MKRN2: variants seen among roughly 807,000 people sequenced by gnomAD.
The protein encoded by MKRN2 is E3 ubiquitin-protein ligase makorin-2.
In MKRN2, 32 loss-of-function variants were observed where a neutral mutation model predicts 45.4. The ratio of observed to expected loss-of-function variants is 0.70; its 90% CI spans 0.53 to 0.95. The LOEUF (loss-of-function observed/expected upper bound fraction) is 0.95. Ranked by LOEUF, MKRN2 falls within the 40% of genes least tolerant of loss-of-function variation. MKRN2 has a pLI of 0.00. For missense variants in MKRN2, 526 were observed against 536.7 expected, an observed-to-expected ratio of 0.98 and a Z score of 0.20; for synonymous variants, 206 against 192.4, an observed-to-expected ratio of 1.07 and a Z score of -0.59.
chr3:12,572,010 C>T (rs1486198904), intron 3 of MKRN2, 59 bp from the exon 4 acceptor site: 5 of 1,490,502 alleles, frequency 3.4e-6, no homozygotes, highest in African/African-American at 2.8e-5. Context: ...CTTTGGCTAA[C>T]GGCATACCAG....
Position 12,582,351 on chromosome 3 carries a change from TGACTTG to T in MKRN2, c.*101_*106del, listed in dbSNP as rs2058189218. On this transcript the variant is annotated 3_prime_UTR_variant, in exon 8 of 8. Transcript: ENST00000170447. ...CCTGTACTGCAGCCAAGGTGACGTGTGACTTGGATTTGAGTGGAGTTGGGCTTAGCC... is the reference window on the plus strand; with the variant it reads ...CCTGTACTGCAGCCAAGGTGACGTGTGATTTGAGTGGAGTTGGGCTTAGCC... 6.7e-7 allele frequency: 1 copy of T among 1,491,414 alleles called. No homozygotes were observed. The highest frequency in any genetic ancestry group is 1.8e-5 in the Admixed American group (1 of 54,560). The allele number at this position is 1,491,414 out of a possible 1,614,324, so 92.4% of individuals were successfully genotyped here. A position where few individuals can be genotyped will look rare whatever the true frequency, so the allele number is the denominator to read the frequency against.
chr3:12,582,284 C>T lies in MKRN2; in HGVS notation c.*31C>T, dbSNP rs2058188300. 1 of 1,609,684 alleles carries T rather than the reference C, an allele frequency of 6.2e-7. No individual in the cohort carries two copies. The highest frequency in any genetic ancestry group is 8.5e-7 in the Non-Finnish European group (1 of 1,176,418). ...AGATGGTTGCCCTGCATCTTGGGCT[C>T]CATCGGCCGAAACTTTCCCAAGCCA... On this transcript the variant is annotated 3_prime_UTR_variant, in exon 8 of 8. Transcript: ENST00000170447.
At chr3:12,565,243 A>G (rs1323591475) in intron 1 of MKRN2, among the ~76,000 whole-genome samples, 1 of 152,198 alleles carries the variant, frequency 6.6e-6, no homozygotes, top group Admixed American at 6.5e-5. Context: ...TGGCACTTAT[A>G]AAGACAGTAG....
intron 5 of MKRN2, among the ~76,000 whole-genome samples, chr3:12,575,666 A>G (rs2125306268): frequency 6.6e-6 from 1 of 152,296 alleles, no homozygotes; most frequent in South Asian, 2.1e-4. Flanking sequence ...GTGTGGTGAA[A>G]CAACTGCTCT....
chr3:12,568,872 CA>C lies in MKRN2; in HGVS notation c.27-2del. On this transcript the variant is annotated splice_acceptor_variant, in intron 1 of 7. Transcript: ENST00000170447. LOFTEE classifies it high-confidence loss of function. ...AGTTGTATGCCTGTGCTTGTCTCTG[CA>C]GGTATTTTATGCATGGTGTGTGTCG... The C allele has an allele frequency of 5.0e-6, 8 of 1,611,630 alleles. No homozygotes were observed. The highest frequency in any genetic ancestry group is 6.8e-6 in the Non-Finnish European group (8 of 1,179,218).
In MKRN2 at chr3:12,583,225, A is replaced by AGTCTT. The variant is rs1488536639; in HGVS notation, c.*975_*979dup. 1.3e-5 allele frequency: 2 copies of AGTCTT among 152,256 alleles called. No individual in the cohort carries two copies. The highest frequency in any genetic ancestry group is 2.9e-5 in the Non-Finnish European group (2 of 68,060). 9.4% of individuals were successfully genotyped at this position (152,256 alleles called of 1,614,324 possible). A position where few individuals can be genotyped will look rare whatever the true frequency, so the allele number is the denominator to read the frequency against. On this transcript the variant is annotated 3_prime_UTR_variant, in exon 8 of 8. Coordinates refer to ENST00000170447, the MANE Select transcript of MKRN2 (RefSeq NM_014160.5). ...GTGGTCCTGAAGAGAGCTGATGGCA[A>AGTCTT]GTCTTGTAGTCATTTTGATTTTAAT...
chr3:12,563,298 C>T (rs1237692140), intron 1 of MKRN2, among the ~76,000 whole-genome samples: 1 of 152,132 alleles, frequency 6.6e-6, no homozygotes, highest in Non-Finnish European at 1.5e-5. Context: ...AATAAACTGT[C>T]AGGTAGGTCT....
At chr3:12,567,834 C>A (rs1033773181) in intron 1 of MKRN2, among the ~76,000 whole-genome samples, 4 of 152,138 alleles carry the variant, frequency 2.6e-5, no homozygotes, top group African/African-American at 7.2e-5. Flanking sequence ...AGGGTCTCTA[C>A]TGTTTGAGTA....
At chr3:12,578,599 G>T (rs555266522) in intron 6 of MKRN2, among the ~76,000 whole-genome samples, 1 of 152,194 alleles carries the variant, frequency 6.6e-6, no homozygotes, top group South Asian at 2.1e-4. Context: ...TTACAGATGT[G>T]AGCCACAAAA....
rs1488208388 is a variant in MKRN2 at position 12,572,389 on chromosome 3, T to G, written c.642+16T>G. On this transcript the variant is annotated intron_variant, in intron 4 of 7. Coordinates refer to ENST00000170447, the MANE Select transcript of MKRN2 (RefSeq NM_014160.5). Reference sequence around the variant, plus strand: ...TCATGAAAAGGTAAAGTCACAAACCTTTGCATGAACTCATGTTAAGAAATC... The same window carrying G: ...TCATGAAAAGGTAAAGTCACAAACCGTTGCATGAACTCATGTTAAGAAATC... 3 of 1,537,796 alleles carry G rather than the reference T, an allele frequency of 2.0e-6. No homozygotes were observed. Among genetic ancestry groups the G allele is most frequent in the Non-Finnish European group, 2.6e-6 (3 of 1,139,360 alleles).
chr3:12,576,191 G>A (rs13063580), intron 5 of MKRN2, among the ~76,000 whole-genome samples: 16,854 of 73,432 alleles, frequency 0.23, 1,041 homozygotes, highest in African/African-American at 0.37. Context: ...AACCATATAT[G>A]TGTGTGTGTG....
intron 2 of MKRN2, among the ~76,000 whole-genome samples, chr3:12,569,647 C>T (rs865960836): frequency 6.6e-6 from 1 of 152,086 alleles, no homozygotes; most frequent in Non-Finnish European, 1.5e-5. Flanking sequence ...AGTAGGCCCA[C>T]GTTGGTCTTC....
chr3:12,570,340 A>G lies in MKRN2; in HGVS notation c.337+88A>G, dbSNP rs975316828. ...TCCTTTCTAGCCTCCTCTTGTCAAG[A>G]GGACTCCTAACCTAATACACCTCCA... On this transcript the variant is annotated intron_variant, in intron 3 of 7. Coordinates refer to ENST00000170447, the MANE Select transcript of MKRN2 (RefSeq NM_014160.5). 25 of 1,363,112 alleles carry G rather than the reference A, an allele frequency of 1.8e-5. No homozygotes were observed. In the African/African-American group the frequency reaches 2.9e-4, roughly 16 times the overall value. The allele number at this position is 1,363,112 out of a possible 1,614,324, so 84.4% of individuals were successfully genotyped here.
chr3:12,565,991 G>A (rs1403990075), intron 1 of MKRN2, among the ~76,000 whole-genome samples: 1 of 151,936 alleles, frequency 6.6e-6, no homozygotes, highest in Non-Finnish European at 1.5e-5. Flanking sequence ...TCCCACCTCA[G>A]GCCCCCAAGT....
At position 12,576,649 on chromosome 3, in the gene MKRN2, T is replaced by A. The variant is rs746567945; in HGVS notation, c.876T>A (p.Arg292=). Residue 292 remains arginine (R), a synonymous_variant, in exon 6 of 8, where the codon CGT becomes CGA. Coordinates refer to ENST00000170447, the MANE Select transcript of MKRN2 (RefSeq NM_014160.5). ...NPIIKSCPEC[R]VISEFVIPSV... ...ATTTCAGGTCTTGTCCAGAATGCCG[T>A]GTGATATCAGAGTTTGTAATTCCAA... The A allele has an allele frequency of 1.2e-6, 2 of 1,603,118 alleles. No homozygotes were observed. Among genetic ancestry groups the A allele is most frequent in the Non-Finnish European group, 1.7e-6 (2 of 1,170,560 alleles).
At position 12,575,009 on chromosome 3, in the gene MKRN2, A is replaced by C; in HGVS notation, c.857+3A>C. ...CAGTTTGAAAACCCAATCATTAAGTAAGTACAGCCAGGGGTCTTAGCTGTG... is the reference window on the plus strand; with the variant it reads ...CAGTTTGAAAACCCAATCATTAAGTCAGTACAGCCAGGGGTCTTAGCTGTG... On this transcript the variant is annotated splice_donor_region_variant and intron_variant, in intron 5 of 7. Transcript: ENST00000170447. The C allele has an allele frequency of 6.2e-7, 1 of 1,612,692 alleles. No homozygotes were observed. The highest frequency in any genetic ancestry group is 8.5e-7 in the Non-Finnish European group (1 of 1,178,706).
intron 5 of MKRN2, among the ~76,000 whole-genome samples, chr3:12,575,419 A>G (rs2058126825): frequency 1.3e-5 from 2 of 152,230 alleles, no homozygotes; most frequent in African/African-American, 2.4e-5. Flanking sequence ...GGAATAATGC[A>G]TGTAAAACAT....
intron 1 of MKRN2, among the ~76,000 whole-genome samples, chr3:12,564,119 T>G (rs1461538851): frequency 1.3e-5 from 2 of 152,036 alleles, no homozygotes; most frequent in African/African-American, 4.8e-5. Context: ...CTAATTTTTG[T>G]ATTTTTAGTA....
At chr3:12,578,880 T>TTAC (rs11450449) in intron 6 of MKRN2, among the ~76,000 whole-genome samples, 1 of 147,050 alleles carries the variant, frequency 6.8e-6, no homozygotes, top group Non-Finnish European at 1.5e-5. Flanking sequence ...TTTTTTTTTT[T>TTAC]ACCATTTTTT....
Sources: gnomAD v4.1 joint callset for allele counts (sites outside exome capture counted in the v4.1 genomes callset) on GRCh38, gnomAD v4.1.1 for gene constraint, MANE v1.5 for transcripts, NCBI Gene and HGNC (gene_info 2026-07-23, HGNC 2026-07-21) for gene names.